Variants in SLIT2 observed in about 807,000 individuals in gnomAD.
SLIT2 encodes slit guidance ligand 2, also known as slit homolog 2 protein.
In SLIT2, 41 loss-of-function variants were observed where a neutral mutation model predicts 185.7. That is an observed-to-expected ratio of 0.22 (90% CI 0.17 to 0.29). SLIT2 has a LOEUF of 0.29. Ranked by LOEUF, SLIT2 falls within the 10% of genes least tolerant of loss-of-function variation. SLIT2 has a pLI of 1.00. For missense variants in SLIT2, 1,571 were observed against 1,909.0 expected, an observed-to-expected ratio of 0.82 and a Z score of 3.30; for synonymous variants, 693 against 680.2, an observed-to-expected ratio of 1.02 and a Z score of -0.29.
intron 33 of SLIT2, among the ~76,000 whole-genome samples, chr4:20,601,362 G>T (rs913461519): frequency 1.3e-5 from 2 of 152,148 alleles, no homozygotes; most frequent in South Asian, 4.1e-4. Flanking sequence ...AGAATTGTAC[G>T]ACATGATAAA....
In SLIT2 at chr4:20,428,134, C is replaced by T. The variant is rs564181445; in HGVS notation, c.396-39618C>T. 7.2e-5 allele frequency among the ~76,000 whole-genome samples: 11 copies of T among 152,248 alleles called. No individual in the cohort carries two copies. In the South Asian group the frequency reaches 8.3e-4, roughly 11 times the overall value. ...CTCTTAATGTCATGTGTTTGATCTC[C>T]GTACTTACAGCTCTTGGATTCAAAT... On this transcript the variant is annotated intron_variant, in intron 4 of 36. Transcript: ENST00000504154.
rs572696404 is a variant in SLIT2 at position 20,506,108 on chromosome 4, CACAT to C, written c.915-4383_915-4380del. On this transcript the variant is annotated intron_variant, in intron 9 of 36. Coordinates refer to ENST00000504154, the MANE Select transcript of SLIT2 (RefSeq NM_004787.4). ...GTGTGTGTATATGTAAACACACAAACACATACAGTGATAAAATGTTATGCAATCA... is the reference window on the plus strand; with the variant it reads ...GTGTGTGTATATGTAAACACACAAACACAGTGATAAAATGTTATGCAATCA... 8.7e-4 allele frequency among the ~76,000 whole-genome samples: 133 copies of C among 152,042 alleles called. 1 individual carries two copies. The highest frequency in any genetic ancestry group is 3.1e-3 in the African/African-American group (127 of 41,540).
At chr4:20,595,486 A>G (rs943964013) in intron 30 of SLIT2, among the ~76,000 whole-genome samples, 1 of 152,002 alleles carries the variant, frequency 6.6e-6, no homozygotes, top group African/African-American at 2.4e-5. Flanking sequence ...TCAAGGAGAT[A>G]AAATCACTAT....
At chr4:20,342,567 G>A (rs1721043259) in intron 4 of SLIT2, among the ~76,000 whole-genome samples, 1 of 151,860 alleles carries the variant, frequency 6.6e-6, no homozygotes, top group Non-Finnish European at 1.5e-5. Context: ...AGAACTTTTA[G>A]CATAAATCTA....
In SLIT2 at chr4:20,472,133, A is replaced by G. The variant is rs186385938; in HGVS notation, c.467+4310A>G. Among the ~76,000 whole-genome samples, 35 of 148,392 alleles carry G rather than the reference A, an allele frequency of 2.4e-4. No homozygotes were observed. The East Asian group carries it at 6.6e-3, about 28-fold the overall frequency. ...AAACTCCCAAAACAAATATGAATTA[A>G]GTATTGATAGCATATCATTATCAAC... On this transcript the variant is annotated intron_variant, in intron 5 of 36. Coordinates refer to ENST00000504154, the MANE Select transcript of SLIT2 (RefSeq NM_004787.4).
At chr4:20,424,028 T>C (rs1728365203) in intron 4 of SLIT2, among the ~76,000 whole-genome samples, 1 of 152,134 alleles carries the variant, frequency 6.6e-6, no homozygotes, top group South Asian at 2.1e-4. Flanking sequence ...ATATTTTAGA[T>C]TGCTTCATAA....
intron 29 of SLIT2, among the ~76,000 whole-genome samples, chr4:20,582,400 C>T (rs1726656439): frequency 6.6e-6 from 1 of 152,196 alleles, no homozygotes; most frequent in Non-Finnish European, 1.5e-5. Context: ...CAATTTTATG[C>T]ATATAGTAGT....
chr4:20,256,472 C>A (rs1577329130), intron 1 of SLIT2, among the ~76,000 whole-genome samples, 200 bp from the exon 2 acceptor site: 1 of 152,102 alleles, frequency 6.6e-6, no homozygotes, highest in African/African-American at 2.4e-5. Flanking sequence ...TTGTCATATG[C>A]CAGCAAGAAT....
chr4:20,588,853 T>A (rs1431538862), intron 29 of SLIT2, among the ~76,000 whole-genome samples: 2 of 152,206 alleles, frequency 1.3e-5, no homozygotes, highest in African/African-American at 4.8e-5. Context: ...TTCTATTTCA[T>A]GAGTTAGCTG....
At position 20,493,589 on chromosome 4, in the gene SLIT2, C is replaced by T. The variant is rs577527137; in HGVS notation, c.914+1690C>T. On this transcript the variant is annotated intron_variant, in intron 9 of 36. Coordinates refer to ENST00000504154, the MANE Select transcript of SLIT2 (RefSeq NM_004787.4). ...AGGGCATGAAGTTGAGGGCAAGGTA[C>T]GATGGTTAACTAGAGTCAGAAAGTT... is the stretch of plus-strand genomic sequence containing the variant. 9.4e-4 allele frequency among the ~76,000 whole-genome samples: 143 copies of T among 152,268 alleles called. 1 individual carries two copies. Among genetic ancestry groups the T allele is most frequent in the African/African-American group, 3.3e-3 (137 of 41,548 alleles).
intron 21 of SLIT2, among the ~76,000 whole-genome samples, chr4:20,543,412 C>A (rs573519924): frequency 6.6e-6 from 1 of 152,130 alleles, no homozygotes; most frequent in Non-Finnish European, 1.5e-5. Context: ...ATGCCCCATT[C>A]ATTCCATTCC....
At chr4:20,436,005 C>T (rs187835548) in intron 4 of SLIT2, among the ~76,000 whole-genome samples, 1 of 152,290 alleles carries the variant, frequency 6.6e-6, no homozygotes, top group East Asian at 1.9e-4. Context: ...TTACTGAGTG[C>T]CTGCCTTGTA....
At chr4:20,534,978 G>A (rs1195636878) in intron 18 of SLIT2, among the ~76,000 whole-genome samples, 3 of 152,110 alleles carry the variant, frequency 2.0e-5, no homozygotes, top group Non-Finnish European at 4.4e-5. Context: ...CAAAATGATA[G>A]GCAAACATTC....
In SLIT2 at chr4:20,542,541, T is replaced by C; in HGVS notation, c.2191T>C (p.Cys731Arg). The stretch of plus-strand genomic sequence containing the variant: ...CCCACTTTCTCGCTGTCCTACTGAA[T>C]GTACTTGCTTGGATACAGTCGTCCG... ...CSPLSRCPTE[C>R]TCLDTVVRCS... Residue 731 changes from cysteine to arginine, a missense_variant, in exon 21 of 37, where the codon TGT becomes CGT. Transcript: ENST00000504154. 6.2e-7 allele frequency: 1 copy of C among 1,613,868 alleles called. No homozygotes were observed. The highest frequency in any genetic ancestry group is 8.5e-7 in the Non-Finnish European group (1 of 1,179,794).
chr4:20,591,885 C>G (rs1727547405), intron 30 of SLIT2, among the ~76,000 whole-genome samples: 1 of 152,002 alleles, frequency 6.6e-6, no homozygotes, highest in African/African-American at 2.4e-5. Context: ...AAAGACTAAT[C>G]CTTAATTAAA....
chr4:20,275,907 G>C (rs2109044094), intron 4 of SLIT2, among the ~76,000 whole-genome samples: 1 of 152,238 alleles, frequency 6.6e-6, no homozygotes, highest in African/African-American at 2.4e-5. Context: ...AGAAAATGCT[G>C]AGTAAACTCC....
At chr4:20,521,027 C>G (rs912678904) in intron 12 of SLIT2, among the ~76,000 whole-genome samples, 4 of 152,190 alleles carry the variant, frequency 2.6e-5, no homozygotes, top group African/African-American at 9.7e-5. Flanking sequence ...CAAGTATTGC[C>G]TACTTGTGAC....
Position 20,298,740 on chromosome 4 carries a change from G to T in SLIT2, c.395+29859G>T, listed in dbSNP as rs76963156. Among the ~76,000 whole-genome samples the T allele has an allele frequency of 6.5e-3, 992 of 152,266 alleles. 10 individuals carry two copies. The highest frequency in any genetic ancestry group is 0.023 in the African/African-American group (951 of 41,542). On this transcript the variant is annotated intron_variant, in intron 4 of 36. Coordinates refer to ENST00000504154, the MANE Select transcript of SLIT2 (RefSeq NM_004787.4). ...ACAGAAACATCTTGATATGTTGCTGGAGGTTTAAGAAAGTCTTGTTGCTTA... is the reference window on the plus strand; with the variant it reads ...ACAGAAACATCTTGATATGTTGCTGTAGGTTTAAGAAAGTCTTGTTGCTTA...
At chr4:20,328,569 A>G (rs1293731081) in intron 4 of SLIT2, among the ~76,000 whole-genome samples, 2 of 152,040 alleles carry the variant, frequency 1.3e-5, no homozygotes, top group African/African-American at 4.8e-5. Context: ...TAAAAACAAT[A>G]GAATAAGAGG....
Sources: gnomAD v4.1 joint callset for allele counts (sites outside exome capture counted in the v4.1 genomes callset) on GRCh38, gnomAD v4.1.1 for gene constraint, MANE v1.5 for transcripts, NCBI Gene and HGNC (gene_info 2026-07-23, HGNC 2026-07-21) for gene names.